Variants in NR6A1 observed in about 807,000 individuals in gnomAD.
NR6A1 encodes the protein retinoic acid receptor-related testis-associated receptor.
A neutral mutation model predicts 59.1 loss-of-function variants in NR6A1; 7 were observed. The observed-to-expected ratio is 0.12, with a 90% confidence interval of 0.07 to 0.22. The LOEUF (loss-of-function observed/expected upper bound fraction) is 0.22, where lower values mean the gene tolerates loss of function less well. Among genes scored for constraint, NR6A1 ranks in the 10% least tolerant of loss-of-function variants. The pLI is 1.00. For missense variants in NR6A1, 468 were observed against 611.6 expected, an observed-to-expected ratio of 0.77 and a Z score of 2.48; for synonymous variants, 243 against 236.1, an observed-to-expected ratio of 1.03 and a Z score of -0.27.
rs559475748 is a variant in NR6A1 at position 124,724,429 on chromosome 9, GA to G, written c.142+8878del. 1.7e-3 allele frequency among the ~76,000 whole-genome samples: 197 copies of G among 113,982 alleles called. 1 individual carries two copies. In the South Asian group the frequency reaches 0.025, roughly 15 times the overall value. 74.8% of individuals were successfully genotyped at this position (113,982 alleles called of 152,430 possible). On this transcript the variant is annotated intron_variant, in intron 2 of 9. Transcript: ENST00000487099. ...TCCTCAACCAGCTGGTAAAAAAAGAGAAAAAAAAAAACCACACAGCTAAAAA... is the reference window on the plus strand; with the variant it reads ...TCCTCAACCAGCTGGTAAAAAAAGAGAAAAAAAAAACCACACAGCTAAAAA...
chr9:124,711,921 G>C (rs1008609626), intron 2 of NR6A1, among the ~76,000 whole-genome samples: 2 of 152,198 alleles, frequency 1.3e-5, no homozygotes, highest in African/African-American at 4.8e-5. Flanking sequence ...TATATTTTTA[G>C]AGTTTTTGTA....
chr9:124,589,909 G>A (rs1166303516), intron 2 of NR6A1, among the ~76,000 whole-genome samples: 1 of 151,514 alleles, frequency 6.6e-6, no homozygotes. Flanking sequence ...TACTAAAAAT[G>A]CAAAAATCAG....
chr9:124,726,299 T>C (rs1398545869), intron 2 of NR6A1, among the ~76,000 whole-genome samples: 1 of 152,170 alleles, frequency 6.6e-6, no homozygotes, highest in Non-Finnish European at 1.5e-5. Context: ...GTTCTGTGAA[T>C]TGTCCTTCTC....
At chr9:124,556,587 A>C (rs1257037234) in intron 2 of NR6A1, among the ~76,000 whole-genome samples, 1 of 151,942 alleles carries the variant, frequency 6.6e-6, no homozygotes, top group Non-Finnish European at 1.5e-5. Context: ...CAGCCTCCCA[A>C]GTAGCTGGGA....
Position 124,748,391 on chromosome 9 carries a change from A to T in NR6A1, c.101-15042T>A, listed in dbSNP as rs186364477. 2.1e-3 allele frequency among the ~76,000 whole-genome samples: 326 copies of T among 151,884 alleles called. 2 individuals carry two copies. The highest frequency in any genetic ancestry group is 6.8e-3 in the African/African-American group (282 of 41,220). ...GGTTATCAAGATTCTTAGATTTTTT[A>T]AAAAAAACTAGAAGGATAAACTATA... On this transcript the variant is annotated intron_variant, in intron 1 of 9. Transcript: ENST00000487099.
At chr9:124,641,380 G>T (rs1217880413) in intron 2 of NR6A1, among the ~76,000 whole-genome samples, 1 of 150,008 alleles carries the variant, frequency 6.7e-6, no homozygotes, top group Non-Finnish European at 1.5e-5. Context: ...AAAAAGAAAA[G>T]AAGGAAAAGA....
At chr9:124,705,999 C>T (rs560816061) in intron 2 of NR6A1, among the ~76,000 whole-genome samples, 4 of 152,336 alleles carry the variant, frequency 2.6e-5, no homozygotes, top group Admixed American at 2.6e-4. Context: ...TGGTCTTGAA[C>T]TCCCGAACTC....
At chr9:124,547,118 CTCTTA>C (rs1250482995) in intron 3 of NR6A1, among the ~76,000 whole-genome samples, 1 of 152,254 alleles carries the variant, frequency 6.6e-6, no homozygotes, top group Non-Finnish European at 1.5e-5. Flanking sequence ...TCTGCTGTAA[CTCTTA>C]TCTAAGTCTA....
chr9:124,546,465 A>G (rs1290305842), intron 3 of NR6A1, among the ~76,000 whole-genome samples: 1 of 152,220 alleles, frequency 6.6e-6, no homozygotes, highest in Admixed American at 6.5e-5. Context: ...TTATTCTTAA[A>G]TTATACATTT....
chr9:124,695,605 A>G (rs1204363728), intron 2 of NR6A1, among the ~76,000 whole-genome samples: 1 of 152,016 alleles, frequency 6.6e-6, no homozygotes, highest in Non-Finnish European at 1.5e-5. Flanking sequence ...CCTGACCTCA[A>G]GTGATCCGCC....
At chr9:124,617,622 A>G (rs1250982719) in intron 2 of NR6A1, among the ~76,000 whole-genome samples, 1 of 152,144 alleles carries the variant, frequency 6.6e-6, no homozygotes, top group African/African-American at 2.4e-5. Flanking sequence ...CAGTTCCCCT[A>G]GTGATTGGAC....
chr9:124,627,024 C>T (rs924149406), intron 2 of NR6A1, among the ~76,000 whole-genome samples: 1 of 152,136 alleles, frequency 6.6e-6, no homozygotes, highest in Non-Finnish European at 1.5e-5. Context: ...TGGATAAGTA[C>T]ACAAATGAAT....
intron 2 of NR6A1, chr9:124,607,353 G>A (rs1035111245): frequency 6.6e-6 from 1 of 152,176 alleles, no homozygotes; most frequent in African/African-American, 2.4e-5. Flanking sequence ...ACTGGCCTAG[G>A]TCAGAAATGG....
intron 1 of NR6A1, among the ~76,000 whole-genome samples, chr9:124,742,983 T>C (rs957414369): frequency 5.9e-5 from 9 of 152,204 alleles, no homozygotes; most frequent in African/African-American, 2.2e-4. Flanking sequence ...GAAACTTCCC[T>C]TTGGGGGGGC....
intron 1 of NR6A1, 114 bp from the exon 2 acceptor site, chr9:124,733,463 G>A (rs1207945813): frequency 2.5e-6 from 2 of 789,098 alleles, no homozygotes; most frequent in Non-Finnish European, 2.2e-6. Flanking sequence ...GTCAATTTGG[G>A]TTTCAATCCT....
At chr9:124,769,940 G>C (rs942690605) in intron 1 of NR6A1, among the ~76,000 whole-genome samples, 1 of 152,358 alleles carries the variant, frequency 6.6e-6, no homozygotes, top group Non-Finnish European at 1.5e-5. Context: ...GGCAAACACC[G>C]AGGAGGAAAA....
At chr9:124,662,102 GAA>G (rs546775416) in intron 2 of NR6A1, among the ~76,000 whole-genome samples, 2 of 151,814 alleles carry the variant, frequency 1.3e-5, no homozygotes, top group Non-Finnish European at 2.9e-5. Context: ...CCAAGGATGA[GAA>G]AAGAGGTCCA....
At position 124,611,749 on chromosome 9, in the gene NR6A1, T is replaced by TAA. The variant is rs1835750575; in HGVS notation, c.143-57180_143-57179insTT. ...TGCACAACAGAGTGAGACCCTGTCT[T>TAA]AGAGAGAGAGAGAGAGAGAGAGAGA... On this transcript the variant is annotated intron_variant, in intron 2 of 9. Transcript: ENST00000487099. Among the ~76,000 whole-genome samples, 27 of 91,478 alleles carry TAA rather than the reference T, an allele frequency of 3.0e-4. No individual in the cohort carries two copies. In the South Asian group the frequency reaches 0.011, roughly 38 times the overall value. The allele number at this position is 91,478 out of a possible 152,430, so 60.0% of individuals were successfully genotyped here. A position where few individuals can be genotyped will look rare whatever the true frequency, so the allele number is the denominator to read the frequency against.
intron 2 of NR6A1, among the ~76,000 whole-genome samples, chr9:124,700,358 C>T (rs1838902602): frequency 6.6e-6 from 1 of 151,886 alleles, no homozygotes. Flanking sequence ...CCATGCCCGG[C>T]TAATTTTTGC....
Sources: allele counts gnomAD v4.1 joint callset (sites outside exome capture counted in the v4.1 genomes callset), GRCh38; gene constraint gnomAD v4.1.1; transcripts MANE v1.5; gene names NCBI Gene and HGNC (gene_info 2026-07-23, HGNC 2026-07-21).